The following SLC5A10 variants were observed in gnomAD, a reference collection of about 807,000 sequenced individuals.
The protein encoded by SLC5A10 is solute carrier family 5 member 10.
SLC5A10 carries 55 observed loss-of-function variants against 68.9 expected under a neutral mutation model. That is an observed-to-expected ratio of 0.80 (90% confidence interval 0.64 to 1.00). The LOEUF (loss-of-function observed/expected upper bound fraction) is 1.00. Ranked by LOEUF, SLC5A10 falls within the 50% of genes least tolerant of loss-of-function variation. SLC5A10 has a pLI of 0.00. For missense variants in SLC5A10, 732 were observed against 819.3 expected (o/e 0.89, Z 1.30); for synonymous variants, 344 against 344.8 (o/e 1.00, Z 0.02).
intron 9 of SLC5A10, among the ~76,000 whole-genome samples, chr17:18,980,937 G>T (rs1187473683): frequency 1.3e-5 from 2 of 152,102 alleles, no homozygotes; most frequent in Admixed American, 6.6e-5. Context: ...CTCCCGAGGG[G>T]CTCTGTGCCG....
intron 9 of SLC5A10, chr17:18,978,687 C>A (rs1473928240): frequency 6.2e-7 from 1 of 1,612,994 alleles, no homozygotes; most frequent in Non-Finnish European, 8.5e-7. Flanking sequence ...GAGGGCAGCA[C>A]AATAGGCTCC....
rs1201275036 is a variant in SLC5A10, at chr17:19,003,923, G to C, written c.983-9487G>C. ...CTCGTAGAAGGCGTCCCGGCCGCGG[G>C]CCACCAGGGCCTCCAGCGCCAGCCG... On this transcript the variant is annotated intron_variant, in intron 9 of 14. Coordinates refer to ENST00000395645, the MANE Select transcript of SLC5A10 (RefSeq NM_001042450.4). The surrounding 1 kb of genome is among the most constrained non-coding windows in gnomAD (Gnocchi z 4.5). 6.2e-7 allele frequency: 1 copy of C among 1,612,948 alleles called. No individual in the cohort carries two copies. Among genetic ancestry groups the C allele is most frequent in the Admixed American group, 1.7e-5 (1 of 60,028 alleles).
chr17:18,995,769 A>AT (rs935068800), intron 9 of SLC5A10, among the ~76,000 whole-genome samples: 3 of 152,104 alleles, frequency 2.0e-5, no homozygotes, highest in Non-Finnish European at 4.4e-5. Context: ...TTAGCAGGGC[A>AT]TAGTGGCATG....
chr17:18,994,636 T>C (rs1462075212), intron 9 of SLC5A10, among the ~76,000 whole-genome samples: 1 of 152,174 alleles, frequency 6.6e-6, no homozygotes, highest in Admixed American at 6.5e-5. Context: ...ATAGTGTATG[T>C]GCCCCCAGCC....
intron 9 of SLC5A10, among the ~76,000 whole-genome samples, chr17:18,981,282 C>T (rs1277083757): frequency 6.6e-6 from 1 of 152,078 alleles, no homozygotes. Flanking sequence ...GACTCAAAGA[C>T]CAGGCATGAG....
chr17:19,000,999 A>G lies in SLC5A10; in HGVS notation c.983-12411A>G, dbSNP rs1031986061. On this transcript the variant is annotated intron_variant, in intron 9 of 14. Coordinates refer to ENST00000395645, the MANE Select transcript of SLC5A10 (RefSeq NM_001042450.4). The surrounding 1 kb of genome is among the most constrained non-coding windows in gnomAD (Gnocchi z 5.2). ...CTCTGTCCTGCCAGGGCCAGGGCAC[A>G]AGGGATAGCCTAGAGTTTGAGGGAA... Among the ~76,000 whole-genome samples the G allele has an allele frequency of 1.3e-5, 2 of 152,162 alleles. No homozygotes were observed. The highest frequency in any genetic ancestry group is 2.9e-5 in the Non-Finnish European group (2 of 68,010).
In SLC5A10 at chr17:19,003,666, G is replaced by A. The variant is rs1466470401; in HGVS notation, c.983-9744G>A. The A allele has an allele frequency of 6.2e-7, 1 of 1,611,598 alleles. No homozygotes were observed. ...CCCAGGTCCAGCTGCGGGATGGAGC[G>A]GTCCGACTTCTGGGGCCAGTACTCC... On this transcript the variant is annotated intron_variant, in intron 9 of 14. Transcript: ENST00000395645. The surrounding 1 kb of genome is among the most constrained non-coding windows in gnomAD (Gnocchi z 4.5).
At chr17:18,977,356 T>G (rs2043005529) in intron 9 of SLC5A10, 1 of 589,780 alleles carries the variant, frequency 1.7e-6, no homozygotes, top group Admixed American at 3.4e-5. Context: ...TTTCTTAGGT[T>G]GCCTTTTCAG....
intron 9 of SLC5A10, among the ~76,000 whole-genome samples, chr17:19,009,670 T>A (rs2043973161): frequency 6.6e-6 from 1 of 152,156 alleles, no homozygotes; most frequent in Non-Finnish European, 1.5e-5. Flanking sequence ...TCCAGTGACC[T>A]CCTTGGGAGG....
rs994795368 is a variant in SLC5A10 at position 19,004,062 on chromosome 17, T to G, written c.983-9348T>G. On this transcript the variant is annotated intron_variant, in intron 9 of 14. Transcript: ENST00000395645. The surrounding 1 kb of genome is among the most constrained non-coding windows in gnomAD (Gnocchi z 5.4). ...GCCATGGCGCCGCCTGCCCGGGCAC[T>G]GCTGCCGGGGGTGGGTGGGCAAGGT... The G allele has an allele frequency of 3.2e-6, 5 of 1,561,404 alleles. No individual in the cohort carries two copies. The highest frequency in any genetic ancestry group is 4.3e-6 in the Non-Finnish European group (5 of 1,152,434).
intron 5 of SLC5A10, among the ~76,000 whole-genome samples, chr17:18,966,520 T>C (rs1597825345): frequency 1.3e-5 from 2 of 151,996 alleles, no homozygotes; most frequent in Non-Finnish European, 2.9e-5. Context: ...TCCCAACACT[T>C]TGGGAGGCCG....
Position 19,003,410 on chromosome 17 carries a change from T to TC in SLC5A10, c.983-9997dup, listed in dbSNP as rs1304353756. 69 of 1,180,572 alleles carry TC rather than the reference T, an allele frequency of 5.8e-5. No homozygotes were observed. The highest frequency in any genetic ancestry group is 7.6e-5 in the Non-Finnish European group (68 of 891,866). 73.1% of individuals were successfully genotyped at this position (1,180,572 alleles called of 1,614,324 possible). ...AGGCAGCCAGGGAAAACAGCAGAGA[T>TC]CCCTAGAAGCCCATGTTGGGCTCCC... On this transcript the variant is annotated intron_variant, in intron 9 of 14. Coordinates refer to ENST00000395645, the MANE Select transcript of SLC5A10 (RefSeq NM_001042450.4). The surrounding 1 kb of genome is among the most constrained non-coding windows in gnomAD (Gnocchi z 4.5).
In SLC5A10 at chr17:19,020,654, C is replaced by T. The variant is rs867882427; in HGVS notation, c.*223C>T. ...TCAAAAACAGCACCAAAGCAGTCAGCATTGGAAGGAAAATTAGATTTCTGA... is the reference window on the plus strand; with the variant it reads ...TCAAAAACAGCACCAAAGCAGTCAGTATTGGAAGGAAAATTAGATTTCTGA... On this transcript the variant is annotated 3_prime_UTR_variant, in exon 15 of 15. Coordinates refer to ENST00000395645, the MANE Select transcript of SLC5A10 (RefSeq NM_001042450.4). The T allele has an allele frequency of 1.0e-5, 6 of 572,536 alleles. No homozygotes were observed. The highest frequency in any genetic ancestry group is 4.4e-5 in the South Asian group (2 of 45,874). 35.5% of individuals were successfully genotyped at this position (572,536 alleles called of 1,614,324 possible).
Position 18,959,179 on chromosome 17 carries a change from C to T in SLC5A10, c.228C>T (p.Phe76=). ...CCAGCAGCGAGGGCTCTGGCCTCTT[C>T]ATTGGACTGGCGGGCTCAGGCGCGG... ...LFASSEGSGL[F]IGLAGSGAAG... is the part of the protein sequence containing the mutation. Residue 76 remains phenylalanine, a synonymous_variant, in exon 3 of 15, where the codon TTC becomes TTT. Transcript: ENST00000395645. 3 of 1,613,938 alleles carry T rather than the reference C, an allele frequency of 1.9e-6. No homozygotes were observed. The highest frequency in any genetic ancestry group is 2.5e-6 in the Non-Finnish European group (3 of 1,179,978).
At chr17:18,976,512 G>A (rs907541475) in intron 8 of SLC5A10, 1 of 277,390 alleles carries the variant, frequency 3.6e-6, no homozygotes, top group African/African-American at 2.2e-5. Context: ...ATGAGGGTAG[G>A]GGTGTATGTC....
At chr17:18,983,778 G>A (rs2043196384) in intron 9 of SLC5A10, among the ~76,000 whole-genome samples, 1 of 152,196 alleles carries the variant, frequency 6.6e-6, no homozygotes, top group African/African-American at 2.4e-5. Flanking sequence ...TGGGCCCTTT[G>A]TGAACCACAT....
intron 9 of SLC5A10, chr17:18,978,698 G>C (rs1363032155): frequency 1.2e-6 from 2 of 1,612,968 alleles, no homozygotes; most frequent in Non-Finnish European, 1.7e-6. Flanking sequence ...AATAGGCTCC[G>C]GCTCCGGTTC....
At position 19,004,137 on chromosome 17, in the gene SLC5A10, T is replaced by A; in HGVS notation, c.983-9273T>A. 5.1e-6 allele frequency: 6 copies of A among 1,186,800 alleles called. No individual in the cohort carries two copies. Among genetic ancestry groups the A allele is most frequent in the Non-Finnish European group, 7.0e-6 (6 of 857,672 alleles). The allele number at this position is 1,186,800 out of a possible 1,614,324, so 73.5% of individuals were successfully genotyped here. On this transcript the variant is annotated intron_variant, in intron 9 of 14. Coordinates refer to ENST00000395645, the MANE Select transcript of SLC5A10 (RefSeq NM_001042450.4). The surrounding 1 kb of genome is among the most constrained non-coding windows in gnomAD (Gnocchi z 5.4). ...GGGGCACCGCGCGCTCGGGGGCCTC[T>A]CCGCGGCCTCTGCTTCTCTGCCCAT...
At chr17:18,962,673 G>A (rs187499204) in intron 5 of SLC5A10, among the ~76,000 whole-genome samples, 1 of 152,278 alleles carries the variant, frequency 6.6e-6, no homozygotes, top group Admixed American at 6.5e-5. Flanking sequence ...TGGTGTTTAA[G>A]TGGGAGAGTG....
Sources: allele counts gnomAD v4.1 joint callset (sites outside exome capture counted in the v4.1 genomes callset), GRCh38; gene constraint gnomAD v4.1.1; non-coding constraint Gnocchi (gnomAD v3.1); transcripts MANE v1.5; gene names NCBI Gene and HGNC (gene_info 2026-07-23, HGNC 2026-07-21).